PKNOX2: variants seen among roughly 807,000 people sequenced by gnomAD.
PKNOX2 encodes the protein homeobox protein PKNOX2.
In PKNOX2, 14 loss-of-function variants were observed where a neutral mutation model predicts 53.1. The observed-to-expected ratio is 0.26, with a 90% CI of 0.17 to 0.41. The LOEUF (loss-of-function observed/expected upper bound fraction) is 0.41, where lower values mean the gene tolerates loss of function less well. Ranked by LOEUF, PKNOX2 falls within the 10% of genes least tolerant of loss-of-function variation. PKNOX2 has a pLI of 1.00. For missense variants in PKNOX2, 496 were observed against 602.8 expected, an observed-to-expected ratio of 0.82 and a Z score of 1.85; for synonymous variants, 257 against 242.8, an observed-to-expected ratio of 1.06 and a Z score of -0.54.
chr11:125,348,085 G>A (rs1951085150), intron 3 of PKNOX2, among the ~76,000 whole-genome samples: 1 of 152,312 alleles, frequency 6.6e-6, no homozygotes, highest in East Asian at 1.9e-4. Flanking sequence ...TGCAAAAAGG[G>A]CAGGCTTCCC....
chr11:125,252,542 T>C (rs532855911), intron 2 of PKNOX2, among the ~76,000 whole-genome samples: 4 of 152,096 alleles, frequency 2.6e-5, no homozygotes, highest in African/African-American at 9.6e-5. Flanking sequence ...TTATGAGGTG[T>C]TTCAGATGGA....
intron 2 of PKNOX2, among the ~76,000 whole-genome samples, chr11:125,318,603 G>A (rs574107495): frequency 4.6e-5 from 7 of 152,274 alleles, no homozygotes; most frequent in South Asian, 4.1e-4. Context: ...TCTCTATCAC[G>A]TGTTCACTGG....
intron 4 of PKNOX2, among the ~76,000 whole-genome samples, chr11:125,356,432 G>C (rs146538537): frequency 6.6e-6 from 1 of 152,218 alleles, no homozygotes; most frequent in Non-Finnish European, 1.5e-5. Context: ...GTTAGAACTC[G>C]TAGTTGAGGT....
intron 2 of PKNOX2, among the ~76,000 whole-genome samples, chr11:125,286,003 G>T (rs1295877059): frequency 6.6e-6 from 1 of 152,178 alleles, no homozygotes; most frequent in Non-Finnish European, 1.5e-5. Flanking sequence ...CAGAAAGCCA[G>T]CTGTTAAATA....
At chr11:125,286,523 C>A (rs1033039026) in intron 2 of PKNOX2, among the ~76,000 whole-genome samples, 2 of 152,230 alleles carry the variant, frequency 1.3e-5, no homozygotes, top group African/African-American at 2.4e-5. Context: ...CACAGTGCAA[C>A]CTCTGTCCAC....
intron 7 of PKNOX2, among the ~76,000 whole-genome samples, chr11:125,407,751 CA>C (rs924653642): frequency 1.6e-4 from 17 of 104,982 alleles, no homozygotes; most frequent in Admixed American, 6.8e-4. Context: ...AAAAAACAAA[CA>C]AAAAAAAAAG....
chr11:125,355,359 G>C (rs937256383), intron 4 of PKNOX2, among the ~76,000 whole-genome samples: 1 of 151,850 alleles, frequency 6.6e-6, no homozygotes, highest in African/African-American at 2.4e-5. Context: ...TCCTCTTTCT[G>C]GTGGCTTCCT....
At chr11:125,356,208 A>G (rs1364850624) in intron 4 of PKNOX2, among the ~76,000 whole-genome samples, 1 of 152,266 alleles carries the variant, frequency 6.6e-6, no homozygotes, top group East Asian at 1.9e-4. Context: ...GCATTGGACT[A>G]GAAAGCAGAA....
chr11:125,397,852 C>T (rs200798038), intron 6 of PKNOX2, 22 bp from the exon 7 acceptor site: 6 of 1,592,644 alleles, frequency 3.8e-6, no homozygotes, highest in Non-Finnish European at 4.3e-6. Flanking sequence ...CACCTGGGCT[C>T]ACCTCTCCTC....
intron 5 of PKNOX2, among the ~76,000 whole-genome samples, chr11:125,384,011 G>C (rs2135368698): frequency 6.6e-6 from 1 of 152,332 alleles, no homozygotes; most frequent in Middle Eastern, 3.4e-3. Context: ...ACAGACCAGA[G>C]AGGGCTGTGA....
intron 6 of PKNOX2, among the ~76,000 whole-genome samples, chr11:125,391,525 T>C (rs1207395304): frequency 2.0e-5 from 3 of 152,218 alleles, no homozygotes; most frequent in Admixed American, 6.5e-5. Flanking sequence ...TCACAACAAC[T>C]CTGAAGTGTA....
intron 1 of PKNOX2, among the ~76,000 whole-genome samples, chr11:125,198,806 G>GCCT (rs1565467266): frequency 6.7e-6 from 1 of 148,662 alleles, no homozygotes; most frequent in Non-Finnish European, 1.5e-5. Context: ...CTCCTGATCC[G>GCCT]CCTCCTCCTC....
intron 1 of PKNOX2, among the ~76,000 whole-genome samples, chr11:125,190,290 C>T (rs1956801584): frequency 6.6e-6 from 1 of 152,188 alleles, no homozygotes; most frequent in Non-Finnish European, 1.5e-5. Context: ...AAACTATCAC[C>T]TATCAGAGGC....
At chr11:125,291,525 T>C (rs773123358) in intron 2 of PKNOX2, among the ~76,000 whole-genome samples, 1 of 152,120 alleles carries the variant, frequency 6.6e-6, no homozygotes, top group African/African-American at 2.4e-5. Context: ...AATTGAAACA[T>C]AGAATTACCA....
At chr11:125,185,756 G>A (rs565240878) in intron 1 of PKNOX2, among the ~76,000 whole-genome samples, 6 of 152,192 alleles carry the variant, frequency 3.9e-5, no homozygotes, top group Admixed American at 6.5e-5. Flanking sequence ...CCATTCACCT[G>A]TTTATAGACA....
intron 1 of PKNOX2, among the ~76,000 whole-genome samples, chr11:125,195,619 C>T (rs1957130596): frequency 6.6e-6 from 1 of 151,444 alleles, no homozygotes; most frequent in African/African-American, 2.4e-5. Flanking sequence ...GGGAAATCTA[C>T]ACCCTGAAGA....
chr11:125,199,344 T>G (rs953021160), intron 1 of PKNOX2, among the ~76,000 whole-genome samples: 21 of 152,208 alleles, frequency 1.4e-4, no homozygotes, highest in Admixed American at 3.3e-4. Flanking sequence ...AGGTACCCCC[T>G]TCTTGTGGCA....
At chr11:125,276,671 G>T (rs577127244) in intron 2 of PKNOX2, among the ~76,000 whole-genome samples, 1 of 152,296 alleles carries the variant, frequency 6.6e-6, no homozygotes, top group African/African-American at 2.4e-5. Flanking sequence ...AGAGTGGGGT[G>T]GGGAGGGAGT....
chr11:125,405,118 A>T (rs1955002432), intron 7 of PKNOX2, among the ~76,000 whole-genome samples: 1 of 151,672 alleles, frequency 6.6e-6, no homozygotes, highest in Non-Finnish European at 1.5e-5. Context: ...CCGGCCACCG[A>T]CTCACCGTCA....
Sources: allele counts gnomAD v4.1 joint callset (sites outside exome capture counted in the v4.1 genomes callset), GRCh38; gene constraint gnomAD v4.1.1; transcripts MANE v1.5; gene names NCBI Gene and HGNC (gene_info 2026-07-23, HGNC 2026-07-21).